The following ZNF883 variants were observed in gnomAD, a reference collection of about 807,000 sequenced individuals.
The protein encoded by ZNF883 is zinc finger protein 883.
At chr9:113,004,796 C>T (rs1367547288) in intron 2 of ZNF883, among the ~76,000 whole-genome samples, 2 of 149,744 alleles carry the variant, frequency 1.3e-5, no homozygotes, top group African/African-American at 4.9e-5. Flanking sequence ...GGGACTTGCC[C>T]ATACTAGATA....
intron 2 of ZNF883, among the ~76,000 whole-genome samples, chr9:113,004,035 T>C (rs1420298126): frequency 1.3e-5 from 2 of 152,166 alleles, no homozygotes; most frequent in Non-Finnish European, 2.9e-5. Context: ...TGGAATGGGG[T>C]GGGCTCCTAA....
chr9:113,009,401 C>G (rs1171402636), intron 2 of ZNF883, among the ~76,000 whole-genome samples: 1 of 152,152 alleles, frequency 6.6e-6, no homozygotes, highest in Non-Finnish European at 1.5e-5. Context: ...GATGCTCCCA[C>G]AAAGGTTAAG....
At chr9:112,995,700 CTATT>C, downstream of ZNF883, among the ~76,000 whole-genome samples, 1 of 120,168 alleles carries the variant, frequency 8.3e-6, no homozygotes, top group Admixed American at 8.1e-5. Context: ...TTTACAGCAT[CTATT>C]AAGATAGGTT....
intron 1 of ZNF883, among the ~76,000 whole-genome samples, chr9:112,988,151 T>A (rs1470215628): frequency 2.0e-5 from 3 of 151,598 alleles, no homozygotes; most frequent in Non-Finnish European, 4.4e-5. Flanking sequence ...TTTAAAAAAA[T>A]TTAATTTTAA....
chr9:112,990,592 C>A (rs1182745116), intron 1 of ZNF883, among the ~76,000 whole-genome samples: 1 of 152,142 alleles, frequency 6.6e-6, no homozygotes, highest in Non-Finnish European at 1.5e-5. Flanking sequence ...TGTTGTATCT[C>A]TGCCAGGTTT....
chr9:113,010,326 G>T (rs1828519836), intron 2 of ZNF883, among the ~76,000 whole-genome samples: 1 of 152,206 alleles, frequency 6.6e-6, no homozygotes, highest in Non-Finnish European at 1.5e-5. Flanking sequence ...TTATCTAAAG[G>T]TAAGAGTGAG....
upstream of ZNF883, among the ~76,000 whole-genome samples, chr9:113,002,634 C>T (rs1339039273): frequency 6.6e-6 from 1 of 152,058 alleles, no homozygotes; most frequent in Non-Finnish European, 1.5e-5. Flanking sequence ...GCAAAAGATA[C>T]CTTATTTTTA....
chr9:112,996,134 T>C (rs550455646), downstream of ZNF883, among the ~76,000 whole-genome samples: 28 of 152,300 alleles, frequency 1.8e-4, no homozygotes, highest in African/African-American at 6.7e-4. Context: ...TTATTTTAAA[T>C]TTCTAAATCA....
chr9:113,008,484 C>A (rs1351670862), intron 2 of ZNF883, among the ~76,000 whole-genome samples: 1 of 152,070 alleles, frequency 6.6e-6, no homozygotes, highest in Non-Finnish European at 1.5e-5. Context: ...CAGTTGAACT[C>A]TTTTAACAGA....
chr9:112,997,638 G>T, exon 1 of ZNF883: 2 of 1,613,572 alleles, frequency 1.2e-6, no homozygotes, highest in Non-Finnish European at 8.5e-7. Flanking sequence ...CATTCATATG[G>T]TTTCTCTCCT....
intron 2 of ZNF883, among the ~76,000 whole-genome samples, chr9:113,007,239 G>T (rs1828487978): frequency 6.6e-6 from 1 of 152,224 alleles, no homozygotes; most frequent in Admixed American, 6.5e-5. Flanking sequence ...CCCTGACGGG[G>T]TAGATGTTTT....
chr9:113,007,336 T>A (rs963361300), intron 2 of ZNF883, among the ~76,000 whole-genome samples: 1 of 152,264 alleles, frequency 6.6e-6, no homozygotes, highest in African/African-American at 2.4e-5. Flanking sequence ...AATTCTAAAC[T>A]ACACTTCTGC....
chr9:112,995,860 T>G (rs902776158), downstream of ZNF883, among the ~76,000 whole-genome samples: 10 of 152,140 alleles, frequency 6.6e-5, no homozygotes, highest in Non-Finnish European at 1.0e-4. Flanking sequence ...ATAATCATTT[T>G]CTTACTCTTG....
At chr9:112,991,569 TG>T (rs1587892159) in intron 1 of ZNF883, among the ~76,000 whole-genome samples, 1 of 152,074 alleles carries the variant, frequency 6.6e-6, no homozygotes, top group African/African-American at 2.4e-5. Flanking sequence ...TGTTGTTTTT[TG>T]GTGGAGAGTT....
chr9:113,007,262 A>G (rs1041729828), intron 2 of ZNF883, among the ~76,000 whole-genome samples: 22 of 152,230 alleles, frequency 1.4e-4, no homozygotes, highest in African/African-American at 5.3e-4. Flanking sequence ...TGAACACTCA[A>G]CGATTAATGT....
chr9:112,996,269 T>A (rs1828353232), downstream of ZNF883, among the ~76,000 whole-genome samples: 1 of 152,212 alleles, frequency 6.6e-6, no homozygotes, highest in African/African-American at 2.4e-5. Flanking sequence ...ACCATATATA[T>A]AGTCCATTAA....
chr9:112,994,978 T>C (rs1564331376), downstream of ZNF883, among the ~76,000 whole-genome samples: 3 of 152,238 alleles, frequency 2.0e-5, no homozygotes, highest in Non-Finnish European at 4.4e-5. Context: ...GGGTTATTCA[T>C]GGTTTTTCTT....
intron 2 of ZNF883, among the ~76,000 whole-genome samples, chr9:113,006,310 C>T (rs7047806): frequency 0.04 from 6,113 of 152,146 alleles, 410 homozygotes; most frequent in African/African-American, 0.13. Flanking sequence ...ACCCCCTCTT[C>T]CCAGAAAACT....
rs758854893 is a variant in ZNF883, at chr9:112,997,893, T to C, written n.367A>G. ...CCACATTCATTACAAGGATAGGGTT[T>C]TTCTCCAGTATGGATTCTCTCATGA... is the stretch of plus-strand genomic sequence containing the variant. On this transcript the variant is annotated non_coding_transcript_exon_variant, in exon 1 of 1. Coordinates refer to ENST00000639662, the Ensembl canonical transcript of ZNF883. 23 of 1,613,818 alleles carry C rather than the reference T, an allele frequency of 1.4e-5. 1 individual carries two copies. The South Asian group carries it at 2.5e-4, about 18-fold the overall frequency.
Sources: gnomAD v4.1 joint callset for allele counts (sites outside exome capture counted in the v4.1 genomes callset) on GRCh38, gnomAD v4.1.1 for gene constraint, MANE v1.5 for transcripts, NCBI Gene and HGNC (gene_info 2026-07-23, HGNC 2026-07-21) for gene names.